The following MARCHF1 variants were observed in gnomAD, a reference collection of about 807,000 sequenced individuals.
MARCHF1 encodes the protein E3 ubiquitin-protein ligase MARCHF1.
Under a neutral mutation model 54.2 loss-of-function variants are expected in MARCHF1, and 40 were observed. The observed-to-expected ratio is 0.74, with a 90% CI of 0.57 to 0.96. The LOEUF (loss-of-function observed/expected upper bound fraction) is 0.96. MARCHF1 is among the 40% of genes least tolerant of loss of function. MARCHF1 has a pLI of 0.00. For synonymous variants in MARCHF1, 236 were observed against 236.3 expected (o/e 1.00, Z 0.01); for missense variants, 586 against 656.5 (o/e 0.89, Z 1.17).
At chr4:164,085,042 C>T (rs1353207640) in intron 2 of MARCHF1, among the ~76,000 whole-genome samples, 1 of 151,748 alleles carries the variant, frequency 6.6e-6, no homozygotes, top group Non-Finnish European at 1.5e-5. Flanking sequence ...AGCTTGATTT[C>T]ATAATCTCAA....
chr4:164,265,858 G>A (rs2321398), intron 1 of MARCHF1, among the ~76,000 whole-genome samples: 149,862 of 152,218 alleles, frequency 0.98, 73,779 homozygotes, highest in Middle Eastern at 1. Flanking sequence ...GCACTGACTC[G>A]AGGAAGGCTT....
chr4:163,736,896 A>G (rs1421445014), intron 4 of MARCHF1, among the ~76,000 whole-genome samples: 3 of 152,160 alleles, frequency 2.0e-5, no homozygotes, highest in African/African-American at 7.2e-5. Flanking sequence ...TTTAAATTCC[A>G]TATCATTTTT....
chr4:164,178,401 A>C (rs1730746405), intron 1 of MARCHF1, among the ~76,000 whole-genome samples: 1 of 152,202 alleles, frequency 6.6e-6, no homozygotes, highest in South Asian at 2.1e-4. Flanking sequence ...AAAGTGCAGG[A>C]GCAAAATTAT....
intron 9 of MARCHF1, among the ~76,000 whole-genome samples, chr4:163,537,157 C>T (rs1738563707): frequency 6.6e-6 from 1 of 152,102 alleles, no homozygotes; most frequent in Middle Eastern, 3.4e-3. Context: ...ATGTGGAAAA[C>T]TCACTTTAAG....
At position 163,527,183 on chromosome 4, in the gene MARCHF1, T is replaced by C. The variant is rs1325826532; in HGVS notation, c.*1565A>G. 2.0e-5 allele frequency: 3 copies of C among 152,050 alleles called. No homozygotes were observed. The South Asian group carries it at 6.2e-4, about 31-fold the overall frequency. 9.4% of individuals were successfully genotyped at this position (152,050 alleles called of 1,614,324 possible). A position where few individuals can be genotyped will look rare whatever the true frequency, so the allele number is the denominator to read the frequency against. Reference sequence around the variant, plus strand: ...CAGGCTACTGTATCTATAATCACCGTTAATCTAGCTCACTGCAATGTCATT... The same window carrying C: ...CAGGCTACTGTATCTATAATCACCGCTAATCTAGCTCACTGCAATGTCATT... On this transcript the variant is annotated 3_prime_UTR_variant, in exon 10 of 10. Coordinates refer to ENST00000514618, the MANE Select transcript of MARCHF1 (RefSeq NM_001394959.1).
intron 1 of MARCHF1, among the ~76,000 whole-genome samples, chr4:164,199,336 A>G (rs1731372108): frequency 6.6e-6 from 1 of 152,092 alleles, no homozygotes; most frequent in African/African-American, 2.4e-5. Flanking sequence ...CATCTACCAC[A>G]CTGACATCAA....
At chr4:164,351,819 C>T (rs567024589) in intron 1 of MARCHF1, among the ~76,000 whole-genome samples, 11 of 151,720 alleles carry the variant, frequency 7.3e-5, no homozygotes, top group African/African-American at 1.9e-4. Flanking sequence ...CTCTGAGCTA[C>T]GGGAGGACAT....
Position 164,146,888 on chromosome 4 carries a change from C to G in MARCHF1, c.-322-35226G>C, listed in dbSNP as rs556785728. On this transcript the variant is annotated intron_variant, in intron 1 of 9. Coordinates refer to ENST00000514618, the MANE Select transcript of MARCHF1 (RefSeq NM_001394959.1). ...AACTACCATCAGAGTGAACAGGCAA[C>G]CTACAAAATGGGAGAAAATTTTTGC... Among the ~76,000 whole-genome samples, 691 of 150,264 alleles carry G rather than the reference C, an allele frequency of 4.6e-3. 7 individuals carry two copies. Among genetic ancestry groups the G allele is most frequent in the African/African-American group, 0.016 (668 of 40,826 alleles).
At chr4:163,722,853 C>T (rs1168941487) in intron 4 of MARCHF1, among the ~76,000 whole-genome samples, 1 of 151,990 alleles carries the variant, frequency 6.6e-6, no homozygotes, top group Admixed American at 6.6e-5. Flanking sequence ...CAACCCCTGC[C>T]TTTTTTTGTT....
At chr4:163,960,379 A>G (rs1752322403) in intron 3 of MARCHF1, among the ~76,000 whole-genome samples, 1 of 152,058 alleles carries the variant, frequency 6.6e-6, no homozygotes, top group East Asian at 1.9e-4. Flanking sequence ...AGCAATATAC[A>G]CAATAGCAAA....
At chr4:163,992,953 G>A (rs957809553) in intron 2 of MARCHF1, among the ~76,000 whole-genome samples, 4 of 151,924 alleles carry the variant, frequency 2.6e-5, no homozygotes, top group African/African-American at 9.7e-5. Flanking sequence ...TGGATTGAAT[G>A]GGTTTTCAAA....
At chr4:164,237,856 T>C (rs1047699133) in intron 1 of MARCHF1, among the ~76,000 whole-genome samples, 1 of 151,934 alleles carries the variant, frequency 6.6e-6, no homozygotes, top group Non-Finnish European at 1.5e-5. Flanking sequence ...TTAAAAAGAC[T>C]GGATACAACC....
At position 164,199,681 on chromosome 4, in the gene MARCHF1, C is replaced by CACACAGAGAGAG. The variant is rs1462208986; in HGVS notation, c.-322-88020_-322-88019insCTCTCTCTGTGT. On this transcript the variant is annotated intron_variant, in intron 1 of 9. Coordinates refer to ENST00000514618, the MANE Select transcript of MARCHF1 (RefSeq NM_001394959.1). ...ACACACACACACACACACACACACA[C>CACACAGAGAGAG]AGAGAGAGAGAGAGAGAGAGAGAGA... Among the ~76,000 whole-genome samples the CACACAGAGAGAG allele has an allele frequency of 2.5e-3, 121 of 47,642 alleles. 1 individual carries two copies. The highest frequency in any genetic ancestry group is 9.8e-3 in the African/African-American group (116 of 11,854). 31.3% of individuals were successfully genotyped at this position (47,642 alleles called of 152,430 possible). A position where few individuals can be genotyped will look rare whatever the true frequency, so the allele number is the denominator to read the frequency against.
intron 8 of MARCHF1, among the ~76,000 whole-genome samples, chr4:163,575,120 C>T (rs1360903995): frequency 6.6e-6 from 1 of 151,966 alleles, no homozygotes; most frequent in Admixed American, 6.6e-5. Context: ...AAGCAGACTG[C>T]ATCCAGCTTT....
chr4:163,931,846 A>G (rs1751684609), intron 3 of MARCHF1, among the ~76,000 whole-genome samples: 1 of 152,208 alleles, frequency 6.6e-6, no homozygotes, highest in Admixed American at 6.5e-5. Flanking sequence ...TACCTCATCA[A>G]TTTTGGATTT....
chr4:163,851,307 A>T (rs1749635043), intron 4 of MARCHF1, among the ~76,000 whole-genome samples: 1 of 152,126 alleles, frequency 6.6e-6, no homozygotes, highest in Non-Finnish European at 1.5e-5. Flanking sequence ...ATCCTCTCTG[A>T]CCTCTAGATT....
At position 163,792,288 on chromosome 4, in the gene MARCHF1, C is replaced by G. The variant is rs140766459; in HGVS notation, c.111+61733G>C. 6.5e-3 allele frequency among the ~76,000 whole-genome samples: 996 copies of G among 152,164 alleles called. 11 individuals carry two copies. Among genetic ancestry groups the G allele is most frequent in the African/African-American group, 0.023 (945 of 41,512 alleles). ...TAGCAAAATATAAAGGAAGTAAGAGCTACTTTTTAATAAACAGAATATTTA... is the reference window on the plus strand; with the variant it reads ...TAGCAAAATATAAAGGAAGTAAGAGGTACTTTTTAATAAACAGAATATTTA... On this transcript the variant is annotated intron_variant, in intron 4 of 9. Coordinates refer to ENST00000514618, the MANE Select transcript of MARCHF1 (RefSeq NM_001394959.1).
chr4:163,610,363 T>C (rs573668838), intron 7 of MARCHF1, among the ~76,000 whole-genome samples: 1 of 152,200 alleles, frequency 6.6e-6, no homozygotes, highest in East Asian at 1.9e-4. Flanking sequence ...TAGCAGGAAA[T>C]AATACCTATT....
At chr4:163,650,250 C>A (rs559889388) in intron 5 of MARCHF1, among the ~76,000 whole-genome samples, 1 of 151,718 alleles carries the variant, frequency 6.6e-6, no homozygotes, top group Non-Finnish European at 1.5e-5. Flanking sequence ...AACTAATAAA[C>A]CTAATGCAAC....
Sources: gnomAD v4.1 joint callset for allele counts (sites outside exome capture counted in the v4.1 genomes callset) on GRCh38, gnomAD v4.1.1 for gene constraint, MANE v1.5 for transcripts, NCBI Gene and HGNC (gene_info 2026-07-23, HGNC 2026-07-21) for gene names.